Variants in ACTA2 observed in about 807,000 individuals in gnomAD.
The protein encoded by ACTA2 is actin, aortic smooth muscle.
In ACTA2, 12 loss-of-function variants were observed where a neutral mutation model predicts 39.5. The observed-to-expected ratio is 0.30, with a 90% CI of 0.19 to 0.49. ACTA2 has a LOEUF of 0.49. Ranked by LOEUF, ACTA2 falls within the 20% of genes least tolerant of loss-of-function variation. The pLI is 0.99. For synonymous variants in ACTA2, 158 were observed against 180.6 expected (o/e 0.88, Z 1.00); for missense variants, 236 against 498.8 (o/e 0.47, Z 5.02).
At chr10:88,944,171 C>T (rs908120333) in intron 3 of ACTA2, among the ~76,000 whole-genome samples, 2 of 152,160 alleles carry the variant, frequency 1.3e-5, no homozygotes. Flanking sequence ...GTTAAGGGCA[C>T]AACCCTTGAT....
intron 1 of ACTA2, among the ~76,000 whole-genome samples, 183 bp from the exon 2 acceptor site, chr10:88,949,136 A>G (rs1846005976): frequency 6.6e-6 from 1 of 152,180 alleles, no homozygotes; most frequent in African/African-American, 2.4e-5. Context: ...GCTTTCAGTA[A>G]GCTGAAACTC....
chr10:88,939,285 T>C (rs1394538595), intron 7 of ACTA2: 9 of 598,394 alleles, frequency 1.5e-5, no homozygotes, highest in Non-Finnish European at 8.9e-6. Context: ...ATGAATGCTT[T>C]GGGCTTAACT....
intron 4 of ACTA2, among the ~76,000 whole-genome samples, chr10:88,943,389 CTG>C (rs1241584785): frequency 6.6e-6 from 1 of 152,140 alleles, no homozygotes; most frequent in Admixed American, 6.5e-5. Context: ...GACAAGGAAA[CTG>C]AGGCTCTGAG....
Position 88,990,405 on chromosome 10 carries a change from AG to A in ACTA2, c.-24+533del. Reference sequence around the variant, plus strand: ...TACAGCAGAAGCCTTTAGAAAGGGCAGGAGGCCGGCTCTCGAGGTCCTCACC... The same window carrying A: ...TACAGCAGAAGCCTTTAGAAAGGGCAGAGGCCGGCTCTCGAGGTCCTCACC... On this transcript the variant is annotated intron_variant, in intron 1 of 4. Coordinates refer to the ACTA2 transcript ENST00000415557. This position sits in a 1 kb window ranked among gnomAD's most constrained non-coding sequence, Gnocchi z 4.9. 2 of 446,070 alleles carry A rather than the reference AG, an allele frequency of 4.5e-6. No homozygotes were observed. Among genetic ancestry groups the A allele is most frequent in the Non-Finnish European group, 8.6e-6 (2 of 233,442 alleles). The allele number at this position is 446,070 out of a possible 1,614,324, so 27.6% of individuals were successfully genotyped here.
chr10:88,950,790 A>C (rs1450056260), intron 1 of ACTA2, among the ~76,000 whole-genome samples: 1 of 152,242 alleles, frequency 6.6e-6, no homozygotes, highest in Non-Finnish European at 1.5e-5. Context: ...ACTATAAAAC[A>C]GTAATGATAT....
At chr10:88,986,101 A>G (rs1846873304) in intron 1 of ACTA2, among the ~76,000 whole-genome samples, 3 of 152,198 alleles carry the variant, frequency 2.0e-5, no homozygotes, top group Admixed American at 2.0e-4. Context: ...TTAAATATAT[A>G]TTTAGTATAT....
At chr10:88,970,375 A>G (rs1846406412) in intron 1 of ACTA2, among the ~76,000 whole-genome samples, 1 of 152,016 alleles carries the variant, frequency 6.6e-6, no homozygotes, top group Non-Finnish European at 1.5e-5. Context: ...AATGCAGCAA[A>G]TTGCTGTGCC....
At chr10:88,954,848 T>C (rs1564650370), upstream of ACTA2, among the ~76,000 whole-genome samples, 2 of 151,936 alleles carry the variant, frequency 1.3e-5, no homozygotes, top group Admixed American at 1.3e-4. Flanking sequence ...GGGTTTGAGA[T>C]TTATAGTTTC....
intron 1 of ACTA2, among the ~76,000 whole-genome samples, chr10:88,961,512 C>T (rs928000670): frequency 5.9e-5 from 9 of 152,144 alleles, no homozygotes; most frequent in Non-Finnish European, 4.4e-5. Flanking sequence ...ATGCAATGTG[C>T]ACTTAGAAGA....
At chr10:88,989,514 C>G (rs930485104) in intron 1 of ACTA2, 2 of 544,312 alleles carry the variant, frequency 3.7e-6, no homozygotes, top group Admixed American at 3.8e-5. Context: ...GGGTCTTCCT[C>G]ATGGCACTAA....
At chr10:88,943,987 C>T in intron 3 of ACTA2, 80 bp from the exon 4 acceptor site, 1 of 1,269,088 alleles carries the variant, frequency 7.9e-7, no homozygotes, top group Non-Finnish European at 1.1e-6. Flanking sequence ...GGACCAGAAG[C>T]TACTTGAAAC....
rs1204039698 is a variant in ACTA2, at chr10:88,941,801, G to C, written c.438C>G (p.Ala146=). The C allele has an allele frequency of 1.2e-6, 2 of 1,612,590 alleles. No homozygotes were observed. The highest frequency in any genetic ancestry group is 3.3e-5 in the Admixed American group (2 of 59,884). ...GCCACCTACCAGTTGTGCGTCCAGA[G>C]GCATAGAGAGACAGCACCGCCTGGA... is the stretch of plus-strand genomic sequence containing the variant. ...VAIQAVLSLY[A]SGRTTGIVLD... is the part of the protein sequence containing the mutation. The change falls in exon 5 of 9, where the codon GCC becomes GCG. Residue 146 remains alanine (A), a synonymous_variant. Transcript: ENST00000224784.
intron 1 of ACTA2, among the ~76,000 whole-genome samples, chr10:88,985,540 A>C (rs533504118): frequency 1.3e-5 from 2 of 151,872 alleles, no homozygotes; most frequent in African/African-American, 4.8e-5. Flanking sequence ...TTCTCTTTCT[A>C]TCTCTGCAGG....
At chr10:88,960,679 T>C (rs916967198) in intron 1 of ACTA2, among the ~76,000 whole-genome samples, 7 of 123,162 alleles carry the variant, frequency 5.7e-5, no homozygotes, top group Non-Finnish European at 9.8e-5. Flanking sequence ...CCATGACCCA[T>C]TGGCATGTAC....
chr10:88,981,068 A>C (rs554505977), intron 1 of ACTA2, among the ~76,000 whole-genome samples: 1 of 152,190 alleles, frequency 6.6e-6, no homozygotes, highest in African/African-American at 2.4e-5. Context: ...TGGGGAGGCC[A>C]ACTGCGAGGA....
rs60878394 is a variant in ACTA2 at position 88,962,912 on chromosome 10, CATATATATATATATAT to C, written c.-23-13975_-23-13960del. On this transcript the variant is annotated intron_variant, in intron 1 of 4. Transcript: ENST00000415557. Reference sequence around the variant, plus strand: ...AGAGAGTGAGTGCAGGGGAATGCCCCATATATATATATATATATATATATATATATATATATATATA... The same window carrying C: ...AGAGAGTGAGTGCAGGGGAATGCCCCATATATATATATATATATATATATA... 2.9e-3 allele frequency among the ~76,000 whole-genome samples: 298 copies of C among 101,440 alleles called. 3 individuals carry two copies. The highest frequency in any genetic ancestry group is 0.018 in the Middle Eastern group (3 of 168). 66.5% of individuals were successfully genotyped at this position (101,440 alleles called of 152,430 possible).
intron 1 of ACTA2, among the ~76,000 whole-genome samples, chr10:88,975,330 AATGAGGTATTAGCTCC>A (rs1408561253): frequency 6.6e-6 from 1 of 152,206 alleles, no homozygotes; most frequent in Non-Finnish European, 1.5e-5. Context: ...TGTGCATTTG[AATGAGGTATTAGCTCC>A]ATGCAGAAAA....
intron 1 of ACTA2, among the ~76,000 whole-genome samples, chr10:88,970,576 G>T (rs754893838): frequency 2.0e-5 from 3 of 152,166 alleles, no homozygotes; most frequent in Non-Finnish European, 4.4e-5. Context: ...ATTGCATTTA[G>T]ATAGTCCAGA....
chr10:88,988,310 A>T (rs1846968764), intron 1 of ACTA2, among the ~76,000 whole-genome samples: 1 of 152,240 alleles, frequency 6.6e-6, no homozygotes, highest in Non-Finnish European at 1.5e-5. Flanking sequence ...AGTTATTAAA[A>T]TCAACTTATT....
Sources: gnomAD v4.1 joint callset for allele counts (sites outside exome capture counted in the v4.1 genomes callset) on GRCh38, gnomAD v4.1.1 for gene constraint, Gnocchi (gnomAD v3.1) non-coding constraint, MANE v1.5 for transcripts, NCBI Gene and HGNC (gene_info 2026-07-23, HGNC 2026-07-21) for gene names.